Variants in LMBRD1 observed in about 807,000 individuals in gnomAD.
LMBRD1 encodes LMBR1 domain containing 1.
A neutral mutation model predicts 74.8 loss-of-function variants in LMBRD1; 64 were observed. The observed-to-expected ratio is 0.86, with a 90% confidence interval of 0.70 to 1.05. The LOEUF (loss-of-function observed/expected upper bound fraction) is 1.05, where lower values mean the gene tolerates loss of function less well. Among genes scored for constraint, LMBRD1 ranks in the 50% least tolerant of loss-of-function variants. The pLI is 0.00. For missense variants in LMBRD1, 652 were observed against 645.9 expected (o/e 1.01, Z -0.10); for synonymous variants, 204 against 216.3 (o/e 0.94, Z 0.50).
intron 3 of LMBRD1, among the ~76,000 whole-genome samples, chr6:69,752,732 C>G (rs1765187984): frequency 6.6e-6 from 1 of 152,142 alleles, no homozygotes; most frequent in South Asian, 2.1e-4. Flanking sequence ...TTCATTCCAA[C>G]TTAAATTTGA....
chr6:69,792,882 G>A (rs1766116863), intron 1 of LMBRD1, among the ~76,000 whole-genome samples: 1 of 152,150 alleles, frequency 6.6e-6, no homozygotes, highest in Admixed American at 6.5e-5. Context: ...ACGGCAACCA[G>A]GCAGAAGAGT....
At chr6:69,700,940 T>G (rs1271785198) in intron 11 of LMBRD1, 71 bp from the exon 12 acceptor site, 3 of 1,008,840 alleles carry the variant, frequency 3.0e-6, no homozygotes, top group Non-Finnish European at 4.1e-6. Context: ...TAAAATAAGC[T>G]AAAAACTTCA....
At position 69,676,225 on chromosome 6, in the gene LMBRD1, G is replaced by A. The variant is rs373481039; in HGVS notation, c.1556C>T (p.Ser519Leu). The change falls in exon 16 of 16, where the codon TCG becomes TTG. Residue 519 changes from serine to leucine, a missense_variant. Physicochemically the swap from Ser to Leu is moderately radical, Grantham distance 145. This residue lies in a region of LMBRD1 where 51 missense variants were observed against 46.9 expected (regional missense o/e 1.09). Transcript: ENST00000649934. ...ATCTTCATCTACTCCTTCAATAACC[G>A]ATTTCTTCCCTTTACAACAGGATAC... is the stretch of plus-strand genomic sequence containing the variant. The part of the protein sequence containing the change: ...LIVSCCKGKK[S>L]VIEGVDEDSD... 3.7e-5 allele frequency: 60 copies of A among 1,613,096 alleles called. No individual in the cohort carries two copies. The highest frequency in any genetic ancestry group is 4.6e-5 in the Non-Finnish European group (54 of 1,179,616).
At position 69,701,513 on chromosome 6, in the gene LMBRD1, T is replaced by C. The variant is rs1582063424; in HGVS notation, c.1013A>G (p.Asp338Gly). Residue 338 changes from aspartate (D) to glycine (G), a missense_variant, in exon 11 of 16, where the codon GAT becomes GGT. Asp to Gly is a moderately conservative substitution (Grantham distance 94). Around this residue, in one of 3 missense-constraint regions of LMBRD1, gnomAD observed 598 missense variants for 581.8 expected, o/e 1.03. Transcript: ENST00000649934. ...AGCTCCAAAAATTATGAAACCAGAATCTATTCCAGCTGAATGAAGAGCTTT... is the reference window on the plus strand; with the variant it reads ...AGCTCCAAAAATTATGAAACCAGAACCTATTCCAGCTGAATGAAGAGCTTT... ...LDKALHSAGIDSGFIIFGANL... is the reference protein window; with the variant it reads ...LDKALHSAGIGSGFIIFGANL... The C allele has an allele frequency of 6.2e-7, 1 of 1,607,052 alleles. No individual in the cohort carries two copies. The highest frequency in any genetic ancestry group is 2.2e-5 in the East Asian group (1 of 44,594).
chr6:69,713,820 A>T, intron 8 of LMBRD1, 23 bp from the exon 9 acceptor site: 1 of 1,612,866 alleles, frequency 6.2e-7, no homozygotes, highest in Non-Finnish European at 8.5e-7. Context: ...GAACAAAATA[A>T]AAGTTTTACC....
At chr6:69,783,718 G>T (rs1408579088) in intron 2 of LMBRD1, among the ~76,000 whole-genome samples, 2 of 151,056 alleles carry the variant, frequency 1.3e-5, no homozygotes, top group African/African-American at 4.8e-5. Flanking sequence ...ATGGGCCAGA[G>T]AATAATAACA....
intron 3 of LMBRD1, among the ~76,000 whole-genome samples, chr6:69,758,538 A>G (rs769695388): frequency 1.3e-5 from 2 of 152,144 alleles, no homozygotes; most frequent in Non-Finnish European, 1.5e-5. Context: ...TGGTGACCTT[A>G]AGATGGAAAT....
intron 14 of LMBRD1, among the ~76,000 whole-genome samples, chr6:69,689,293 T>C (rs1417719086): frequency 6.6e-6 from 1 of 152,118 alleles, no homozygotes; most frequent in Non-Finnish European, 1.5e-5. Context: ...CTTCCCCATA[T>C]ATTATTCAGC....
chr6:69,725,216 CA>C (rs536536966), intron 7 of LMBRD1, among the ~76,000 whole-genome samples: 1 of 151,414 alleles, frequency 6.6e-6, no homozygotes, highest in Non-Finnish European at 1.5e-5. Context: ...AGGAAGACAC[CA>C]AAAAAATGAA....
Position 69,796,844 on chromosome 6 carries a change from A to T in LMBRD1, c.38T>A (p.Ile13Asn), listed in dbSNP as rs1430302593. The T allele has an allele frequency of 1.9e-6, 3 of 1,613,900 alleles. No individual in the cohort carries two copies. The African/African-American group carries it at 4.0e-5, about 22-fold the overall frequency. The change falls in exon 1 of 16, where the codon ATC (isoleucine) becomes AAC (asparagine). Residue 13 changes from isoleucine to asparagine, a missense_variant. This residue lies in a region of LMBRD1 where 598 missense variants were observed against 581.8 expected (regional missense o/e 1.03). Transcript: ENST00000649934. ...TAAGAGGCCGAATATGCACCAGCCG[A>T]TCACCAGCTCCGCCGAGGCCGCGCC... ...TSGAASAELVIGWCIFGLLLL... is the reference protein window; with the variant it reads ...TSGAASAELVNGWCIFGLLLL...
In LMBRD1 at chr6:69,676,698, C is replaced by T. The variant is rs138212241; in HGVS notation, c.1418-157G>A. Reference sequence around the variant, plus strand: ...CTGAAACTTAGGTCTCTCTCCAAAGCCCACTCTTTCAATCACCTTAATGTA... The same window carrying T: ...CTGAAACTTAGGTCTCTCTCCAAAGTCCACTCTTTCAATCACCTTAATGTA... On this transcript the variant is annotated intron_variant, in intron 14 of 15. Coordinates refer to ENST00000649934, the MANE Select transcript of LMBRD1 (RefSeq NM_018368.4). 1.9e-3 allele frequency among the ~76,000 whole-genome samples: 285 copies of T among 152,092 alleles called. 3 individuals carry two copies. Among genetic ancestry groups the T allele is most frequent in the South Asian group, 0.018 (86 of 4,808 alleles).
At chr6:69,727,357 A>G (rs916859039) in intron 7 of LMBRD1, among the ~76,000 whole-genome samples, 2 of 152,202 alleles carry the variant, frequency 1.3e-5, no homozygotes, top group African/African-American at 4.8e-5. Context: ...AATTTTTAAA[A>G]GTGTTCCAAG....
chr6:69,684,192 A>T (rs1480411656), intron 14 of LMBRD1, among the ~76,000 whole-genome samples: 1 of 152,056 alleles, frequency 6.6e-6, no homozygotes, highest in Non-Finnish European at 1.5e-5. Context: ...TGAAAAGAAC[A>T]ATCAGAACAA....
intron 3 of LMBRD1, among the ~76,000 whole-genome samples, chr6:69,769,446 T>A (rs146488517): frequency 6.6e-6 from 1 of 152,206 alleles, no homozygotes; most frequent in Non-Finnish European, 1.5e-5. Flanking sequence ...TGATTTACAA[T>A]AGCTGCTTTG....
chr6:69,774,949 G>GGAAGGAAGGAAGGAAT, intron 3 of LMBRD1, among the ~76,000 whole-genome samples: 1 of 17,818 alleles, frequency 5.6e-5, no homozygotes, highest in African/African-American at 1.6e-4. Flanking sequence ...ACAGTGAGAT[G>GGAAGGAAGGAAGGAAT]GAAGGAAGGA....
At chr6:69,709,998 T>C (rs1433797297) in intron 9 of LMBRD1, among the ~76,000 whole-genome samples, 1 of 152,184 alleles carries the variant, frequency 6.6e-6, no homozygotes, top group African/African-American at 2.4e-5. Flanking sequence ...GGATGTTTTG[T>C]GGAATTATAA....
intron 7 of LMBRD1, among the ~76,000 whole-genome samples, chr6:69,725,075 C>T (rs1268506306): frequency 6.6e-6 from 1 of 151,810 alleles, no homozygotes; most frequent in East Asian, 1.9e-4. Context: ...CAACAGTGAA[C>T]AATCAGAAAA....
At chr6:69,788,638 G>T (rs1170491327) in intron 2 of LMBRD1, among the ~76,000 whole-genome samples, 1 of 151,970 alleles carries the variant, frequency 6.6e-6, no homozygotes, top group Non-Finnish European at 1.5e-5. Flanking sequence ...ATTTATTCTT[G>T]CCCAATAATA....
chr6:69,742,156 T>C (rs1053654699), intron 5 of LMBRD1, among the ~76,000 whole-genome samples: 1 of 152,012 alleles, frequency 6.6e-6, no homozygotes, highest in African/African-American at 2.4e-5. Flanking sequence ...AAACAAAAAA[T>C]TAATATATAA....
Sources: gnomAD v4.1 joint callset for allele counts (sites outside exome capture counted in the v4.1 genomes callset) on GRCh38, gnomAD v4.1.1 for gene constraint, gnomAD v4.1.1 regional missense constraint, MANE v1.5 for transcripts, NCBI Gene and HGNC (gene_info 2026-07-23, HGNC 2026-07-21) for gene names.